Variants in MATR3 observed in about 807,000 individuals in gnomAD.
MATR3 encodes the protein matrin-3.
A neutral mutation model predicts 85.5 loss-of-function variants in MATR3; 4 were observed. The observed-to-expected ratio is 0.05, with a 90% confidence interval of 0.02 to 0.11. The LOEUF (loss-of-function observed/expected upper bound fraction) is 0.11. MATR3 is among the 10% of genes least tolerant of loss of function. The pLI is 1.00. For synonymous variants in MATR3, 336 were observed against 343.1 expected (o/e 0.98, Z 0.23); for missense variants, 685 against 1,016.1 (o/e 0.67, Z 4.43).
At chr5:139,279,149 T>G (rs1753416664) in intron 3 of MATR3, 1 of 454,044 alleles carries the variant, frequency 2.2e-6, no homozygotes, top group South Asian at 1.6e-5. Flanking sequence ...CTTCTTGTCA[T>G]GTAGGTCCCA....
intron 2 of MATR3, chr5:139,310,023 G>A (rs921972428): frequency 1.3e-5 from 2 of 152,178 alleles, no homozygotes; most frequent in African/African-American, 4.8e-5. Flanking sequence ...GAGTCATTAA[G>A]CTGTTGGGAC....
chr5:139,280,457 T>C (rs1665708992), intron 3 of MATR3: 1 of 152,234 alleles, frequency 6.6e-6, no homozygotes, highest in African/African-American at 2.4e-5. Flanking sequence ...CATCATACTC[T>C]TCATCTTTTA....
intron 1 of MATR3, among the ~76,000 whole-genome samples, chr5:139,297,698 T>C (rs1420438531): frequency 6.6e-6 from 1 of 152,220 alleles, no homozygotes; most frequent in African/African-American, 2.4e-5. Context: ...TGTATAATTT[T>C]CCAGTTGTAC....
chr5:139,312,395 G>A (rs571605332), intron 2 of MATR3: 1 of 152,290 alleles, frequency 6.6e-6, no homozygotes, highest in South Asian at 2.1e-4. Flanking sequence ...ACTGCACCCG[G>A]CCCTTACAAG....
At chr5:139,293,732 G>A (rs1169896158), upstream of MATR3, 2 of 367,810 alleles carry the variant, frequency 5.4e-6, no homozygotes, top group Admixed American at 4.6e-5. Flanking sequence ...GTTGCTGCGG[G>A]GGATTGTGGG....
chr5:139,294,013 T>A, intron 1 of MATR3: 1 of 1,288,188 alleles, frequency 7.8e-7, no homozygotes, highest in East Asian at 3.1e-5. Flanking sequence ...GCAACCAGCC[T>A]TCTAGGGCGG....
rs567399998 is a variant in MATR3 at position 139,309,271 on chromosome 5, C to T, written c.912+944C>T. Among the ~76,000 whole-genome samples, 165 of 152,248 alleles carry T rather than the reference C, an allele frequency of 1.1e-3. No individual in the cohort carries two copies. The South Asian group carries it at 0.012, about 11-fold the overall frequency. ...ACTTAAAGTCATTGTTATAGCACCC[C>T]ACTAGCTTGATCTATAATCTGTGAC... is the stretch of plus-strand genomic sequence containing the variant. On this transcript the variant is annotated intron_variant, in intron 2 of 14. Transcript: ENST00000394805.
At chr5:139,310,795 CTTTTT>C (rs1052107871) in intron 2 of MATR3, 4 of 150,088 alleles carry the variant, frequency 2.7e-5, no homozygotes, top group African/African-American at 9.8e-5. Flanking sequence ...CTTTTCTTTT[CTTTTT>C]TTCTTTTTTT....
chr5:139,274,690 A>G (rs1433429725), intron 1 of MATR3, among the ~76,000 whole-genome samples: 1 of 151,998 alleles, frequency 6.6e-6, no homozygotes, highest in Non-Finnish European at 1.5e-5. Context: ...TAATCTCAGC[A>G]CTTTGGGAGG....
At chr5:139,290,320 T>A (rs1753830586), upstream of MATR3, among the ~76,000 whole-genome samples, 2 of 151,766 alleles carry the variant, frequency 1.3e-5, no homozygotes, top group South Asian at 4.2e-4. Context: ...ATTTTTTATA[T>A]TTTTGGTAGA....
At chr5:139,318,484 T>G (rs11958583) in intron 7 of MATR3, among the ~76,000 whole-genome samples, 78,776 of 152,030 alleles carry the variant, frequency 0.52, 24,416 homozygotes, top group Non-Finnish European at 0.7. Flanking sequence ...AGTGTCACTC[T>G]GTCACCTGGG....
Position 139,279,181 on chromosome 5 carries a change from T to C in MATR3, c.-178+52T>C, listed in dbSNP as rs187275366. 2,444 of 453,750 alleles carry C rather than the reference T, an allele frequency of 5.4e-3. 18 individuals are homozygous for C. Among genetic ancestry groups the C allele is most frequent in the Non-Finnish European group, 8.6e-3 (1,944 of 226,724 alleles). The allele number at this position is 453,750 out of a possible 1,614,324, so 28.1% of individuals were successfully genotyped here. On this transcript the variant is annotated intron_variant, in intron 3 of 16. Transcript: ENST00000509990. ...CCCAATTAAATTACTATAGCTCAGA[T>C]GGGGGTAGGGGACTTAAAATTATGA...
chr5:139,297,825 T>C (rs1186911298), intron 1 of MATR3, among the ~76,000 whole-genome samples: 1 of 152,194 alleles, frequency 6.6e-6, no homozygotes, highest in Non-Finnish European at 1.5e-5. Flanking sequence ...TATTCCAAAA[T>C]TTAAAGTATG....
chr5:139,297,206 A>G (rs1754201383), intron 1 of MATR3, among the ~76,000 whole-genome samples: 2 of 152,178 alleles, frequency 1.3e-5, no homozygotes, highest in Admixed American at 1.3e-4. Flanking sequence ...TGATTGACTT[A>G]ACATTTGGGA....
intron 7 of MATR3, among the ~76,000 whole-genome samples, chr5:139,318,481 C>G (rs1755369871): frequency 6.6e-6 from 1 of 152,158 alleles, no homozygotes; most frequent in South Asian, 2.1e-4. Flanking sequence ...TTGAGTGTCA[C>G]TCTGTCACCT....
At chr5:139,324,348 C>T (rs1355701899) in intron 12 of MATR3, among the ~76,000 whole-genome samples, 2 of 134,094 alleles carry the variant, frequency 1.5e-5, no homozygotes, top group Non-Finnish European at 3.1e-5. Flanking sequence ...GGCTGGAGTG[C>T]GGTGGTGTGA....
At chr5:139,324,817 A>C (rs1180447461) in intron 12 of MATR3, among the ~76,000 whole-genome samples, 4 of 152,154 alleles carry the variant, frequency 2.6e-5, no homozygotes, top group African/African-American at 9.7e-5. Context: ...TTTTAGTTTT[A>C]AAATAAGCTA....
rs567095430 is a variant in MATR3, at chr5:139,286,506, C to A, written c.-178+7377C>A. On this transcript the variant is annotated intron_variant, in intron 3 of 16. Transcript: ENST00000509990. ...TAATTTTATTATTTATTTCTGTAGA[C>A]CTCCTCTGTGGACAAGCTTCTTGAT... Among the ~76,000 whole-genome samples the A allele has an allele frequency of 4.7e-5, 7 of 150,476 alleles. No homozygotes were observed. The South Asian group carries it at 1.5e-3, about 32-fold the overall frequency.
chr5:139,315,075 G>A (rs1187667500), intron 3 of MATR3: 1 of 229,996 alleles, frequency 4.3e-6, no homozygotes, highest in African/African-American at 2.3e-5. Flanking sequence ...CTCTAAAAAT[G>A]TAAAAGATAC....
Sources: gnomAD v4.1 joint callset for allele counts (sites outside exome capture counted in the v4.1 genomes callset) on GRCh38, gnomAD v4.1.1 for gene constraint, MANE v1.5 for transcripts, NCBI Gene and HGNC (gene_info 2026-07-23, HGNC 2026-07-21) for gene names.